KPNA4: variants seen among roughly 807,000 people sequenced by gnomAD.
KPNA4 encodes the protein karyopherin subunit alpha 4, also known as importin subunit alpha-3.
KPNA4 carries 13 observed loss-of-function variants against 71.3 expected under a neutral mutation model. The ratio of observed to expected loss-of-function variants is 0.18; its 90% CI spans 0.12 to 0.29. KPNA4 has a LOEUF of 0.29. KPNA4 is among the 10% of genes least tolerant of loss of function. The pLI is 1.00. For synonymous variants in KPNA4, 189 were observed against 195.2 expected, an observed-to-expected ratio of 0.97 and a Z score of 0.26; for missense variants, 334 against 603.2, an observed-to-expected ratio of 0.55 and a Z score of 4.67.
At chr3:160,536,760 T>A in intron 2 of KPNA4, 36 bp downstream of exon 2, 1 of 1,317,460 alleles carries the variant, frequency 7.6e-7, no homozygotes, top group African/African-American at 1.5e-5. Flanking sequence ...GTTGTTAGAA[T>A]TATGCTTAGA....
chr3:160,551,151 T>C (rs1722033770), intron 1 of KPNA4, among the ~76,000 whole-genome samples: 2 of 152,204 alleles, frequency 1.3e-5, no homozygotes, highest in Non-Finnish European at 2.9e-5. Flanking sequence ...TAAATCTCCT[T>C]ACTACTTATA....
intron 1 of KPNA4, among the ~76,000 whole-genome samples, chr3:160,564,951 C>A (rs1324544274): frequency 6.8e-6 from 1 of 146,772 alleles, no homozygotes; most frequent in African/African-American, 2.4e-5. Context: ...CCCGGCCCCT[C>A]GCACCCGCGC....
Position 160,495,596 on chromosome 3 carries a change from G to A in KPNA4, c.*6508C>T, listed in dbSNP as rs1190030789. On this transcript the variant is annotated 3_prime_UTR_variant, in exon 17 of 17. Coordinates refer to ENST00000334256, the MANE Select transcript of KPNA4 (RefSeq NM_002268.5). The stretch of plus-strand genomic sequence containing the variant: ...TAATTTTACCTTAACTAAAAGGTTA[G>A]GATGACTAGGACTGCCACTATGCTA... The A allele has an allele frequency of 6.6e-6, 1 of 151,878 alleles. No individual in the cohort carries two copies. Among genetic ancestry groups the A allele is most frequent in the Non-Finnish European group, 1.5e-5 (1 of 67,988 alleles). 9.4% of individuals were successfully genotyped at this position (151,878 alleles called of 1,614,324 possible).
intron 1 of KPNA4, among the ~76,000 whole-genome samples, chr3:160,546,923 C>T (rs186417540): frequency 5.6e-4 from 85 of 152,306 alleles, no homozygotes; most frequent in Non-Finnish European, 5.9e-5. Flanking sequence ...GGAAATGAAA[C>T]TCACTCTCCG....
At position 160,501,041 on chromosome 3, in the gene KPNA4, G is replaced by A. The variant is rs1345798167; in HGVS notation, c.*1063C>T. On this transcript the variant is annotated 3_prime_UTR_variant, in exon 17 of 17. Coordinates refer to ENST00000334256, the MANE Select transcript of KPNA4 (RefSeq NM_002268.5). Reference sequence around the variant, plus strand: ...GAAAATGAAAAGGATGGCCTTTTAAGCACATTTTACTGTTTTATACTATTA... The same window carrying A: ...GAAAATGAAAAGGATGGCCTTTTAAACACATTTTACTGTTTTATACTATTA... 1 of 152,410 alleles carries A rather than the reference G, an allele frequency of 6.6e-6. No homozygotes were observed. Among genetic ancestry groups the A allele is most frequent in the Non-Finnish European group, 1.5e-5 (1 of 68,000 alleles). 9.4% of individuals were successfully genotyped at this position (152,410 alleles called of 1,614,324 possible). A position where few individuals can be genotyped will look rare whatever the true frequency, so the allele number is the denominator to read the frequency against.
intron 7 of KPNA4, among the ~76,000 whole-genome samples, chr3:160,529,412 A>G (rs2108551458): frequency 6.6e-6 from 1 of 152,280 alleles, no homozygotes; most frequent in African/African-American, 2.4e-5. Flanking sequence ...ATACAAAACC[A>G]AAAAACCACA....
intron 11 of KPNA4, among the ~76,000 whole-genome samples, chr3:160,516,652 G>T (rs1198648040): frequency 6.6e-6 from 1 of 151,888 alleles, no homozygotes; most frequent in East Asian, 1.9e-4. Context: ...CGAGCCTGTA[G>T]TCCCAGCTAC....
intron 1 of KPNA4, among the ~76,000 whole-genome samples, chr3:160,558,646 A>C (rs1722187728): frequency 6.6e-6 from 1 of 152,216 alleles, no homozygotes; most frequent in Non-Finnish European, 1.5e-5. Flanking sequence ...TGGTAAACTA[A>C]AAGAGTGGCA....
At chr3:160,502,524 C>T (rs1211368660) in intron 16 of KPNA4, among the ~76,000 whole-genome samples, 2 of 151,990 alleles carry the variant, frequency 1.3e-5, no homozygotes, top group Non-Finnish European at 2.9e-5. Flanking sequence ...GTGTGCACCA[C>T]CACGCCTGGC....
intron 1 of KPNA4, among the ~76,000 whole-genome samples, chr3:160,545,326 T>C (rs2108557322): frequency 6.6e-6 from 1 of 152,358 alleles, no homozygotes; most frequent in East Asian, 1.9e-4. Flanking sequence ...TGCATGTGCA[T>C]AGGAAACCAT....
chr3:160,535,309 A>T (rs1721665888), intron 5 of KPNA4, among the ~76,000 whole-genome samples: 1 of 152,218 alleles, frequency 6.6e-6, no homozygotes, highest in Non-Finnish European at 1.5e-5. Flanking sequence ...TCAACTAAAA[A>T]TAAAAATTGT....
At chr3:160,524,818 A>G (rs1280694038) in intron 10 of KPNA4, among the ~76,000 whole-genome samples, 1 of 152,252 alleles carries the variant, frequency 6.6e-6, no homozygotes, top group South Asian at 2.1e-4. Context: ...TGAATTTTAT[A>G]TATTATGTCA....
At chr3:160,504,409 A>G (rs2108542314) in intron 16 of KPNA4, among the ~76,000 whole-genome samples, 1 of 152,346 alleles carries the variant, frequency 6.6e-6, no homozygotes, top group South Asian at 2.1e-4. Flanking sequence ...TTACTTTTCC[A>G]AAGAGGAAAT....
At chr3:160,534,270 G>A (rs1315322536) in intron 5 of KPNA4, among the ~76,000 whole-genome samples, 2 of 152,082 alleles carry the variant, frequency 1.3e-5, no homozygotes, top group Admixed American at 6.6e-5. Flanking sequence ...TCAACATAGG[G>A]TGTTATTCTT....
intron 3 of KPNA4, 33 bp downstream of exon 3, chr3:160,535,775 T>C (rs1357493901): frequency 6.4e-7 from 1 of 1,560,330 alleles, no homozygotes; most frequent in East Asian, 2.3e-5. Flanking sequence ...CTCGTACTTT[T>C]AAGTTACCAG....
chr3:160,533,059 T>C (rs186505677), intron 5 of KPNA4, among the ~76,000 whole-genome samples: 1 of 152,338 alleles, frequency 6.6e-6, no homozygotes, highest in African/African-American at 2.4e-5. Context: ...GGTCTCAGTC[T>C]GTCACTCAGG....
intron 1 of KPNA4, among the ~76,000 whole-genome samples, chr3:160,544,545 CAG>C (rs1465741095): frequency 6.6e-6 from 1 of 152,148 alleles, no homozygotes; most frequent in Non-Finnish European, 1.5e-5. Context: ...GCATGGGTGA[CAG>C]AGAGAGACTT....
rs887268522 is a variant in KPNA4 at position 160,565,553 on chromosome 3, G to T, written c.-271C>A. Reference sequence around the variant, plus strand: ...GACGGAATGTGCTGCCGGCTGAGAGGGGGAGGCAGCCTCGATCTGAGGGCC... The same window carrying T: ...GACGGAATGTGCTGCCGGCTGAGAGTGGGAGGCAGCCTCGATCTGAGGGCC... On this transcript the variant is annotated 5_prime_UTR_variant, in exon 1 of 17. Coordinates refer to ENST00000334256, the MANE Select transcript of KPNA4 (RefSeq NM_002268.5). The T allele has an allele frequency of 1.5e-5, 8 of 529,288 alleles. No homozygotes were observed. Among genetic ancestry groups the T allele is most frequent in the Non-Finnish European group, 2.6e-5 (8 of 302,342 alleles). 32.8% of individuals were successfully genotyped at this position (529,288 alleles called of 1,614,324 possible). A position where few individuals can be genotyped will look rare whatever the true frequency, so the allele number is the denominator to read the frequency against.
At chr3:160,543,817 CT>C (rs754006978) in intron 1 of KPNA4, among the ~76,000 whole-genome samples, 7 of 151,958 alleles carry the variant, frequency 4.6e-5, no homozygotes, top group Non-Finnish European at 1.0e-4. Flanking sequence ...CTTCTCTTGC[CT>C]TAAGTTATGC....
Sources: gnomAD v4.1 joint callset for allele counts (sites outside exome capture counted in the v4.1 genomes callset) on GRCh38, gnomAD v4.1.1 for gene constraint, MANE v1.5 for transcripts, NCBI Gene and HGNC (gene_info 2026-07-23, HGNC 2026-07-21) for gene names.